MYEF2: variants seen among roughly 807,000 people sequenced by gnomAD.
The protein encoded by MYEF2 is myelin expression factor 2, also known as myelin gene expression factor 2.
In MYEF2, 37 loss-of-function variants were observed where a neutral mutation model predicts 75.2. That is an observed-to-expected ratio of 0.49 (90% CI 0.38 to 0.65). The LOEUF (loss-of-function observed/expected upper bound fraction) is 0.65, where lower values mean the gene tolerates loss of function less well. Among genes scored for constraint, MYEF2 ranks in the 30% least tolerant of loss-of-function variants. MYEF2 has a pLI of 0.00. For missense variants in MYEF2, 634 were observed against 771.4 expected, an observed-to-expected ratio of 0.82 and a Z score of 2.11; for synonymous variants, 195 against 241.6, an observed-to-expected ratio of 0.81 and a Z score of 1.79.
intron 16 of MYEF2, among the ~76,000 whole-genome samples, chr15:48,144,659 C>T (rs943604708): frequency 2.0e-5 from 3 of 151,680 alleles, no homozygotes; most frequent in African/African-American, 7.3e-5. Context: ...TAAAATGAAA[C>T]TGGAAAACAC....
chr15:48,151,247 C>A, intron 13 of MYEF2, 76 bp from the exon 14 acceptor site: 1 of 1,262,340 alleles, frequency 7.9e-7, no homozygotes, highest in Non-Finnish European at 1.1e-6. Flanking sequence ...GTACTATGTG[C>A]TCTGATTTAC....
In MYEF2 at chr15:48,137,850, G is replaced by C. The variant is rs574617022; in HGVS notation, c.*5058C>G. On this transcript the variant is annotated 3_prime_UTR_variant, in exon 17 of 17. Transcript: ENST00000324324. Reference sequence around the variant, plus strand: ...GTTTAAAGCAATAGCAAAACTTTTAGGTAAATAGGTTCAGTAGGAAGTCAG... The same window carrying C: ...GTTTAAAGCAATAGCAAAACTTTTACGTAAATAGGTTCAGTAGGAAGTCAG... The C allele has an allele frequency of 6.6e-6, 1 of 152,166 alleles. No individual in the cohort carries two copies. The highest frequency in any genetic ancestry group is 2.1e-4 in the South Asian group (1 of 4,826). 9.4% of individuals were successfully genotyped at this position (152,166 alleles called of 1,614,324 possible). A position where few individuals can be genotyped will look rare whatever the true frequency, so the allele number is the denominator to read the frequency against.
chr15:48,144,660 T>G (rs1245972557), intron 16 of MYEF2, among the ~76,000 whole-genome samples: 4 of 151,850 alleles, frequency 2.6e-5, no homozygotes, highest in African/African-American at 9.7e-5. Flanking sequence ...AAAATGAAAC[T>G]GGAAAACACA....
intron 9 of MYEF2, among the ~76,000 whole-genome samples, chr15:48,155,811 G>A (rs1466875021): frequency 7.5e-6 from 1 of 132,476 alleles, no homozygotes; most frequent in African/African-American, 2.9e-5. Context: ...GTCTCCCTCT[G>A]TCACCCAGGC....
At chr15:48,173,109 C>G (rs1026638888) in intron 1 of MYEF2, among the ~76,000 whole-genome samples, 7 of 152,136 alleles carry the variant, frequency 4.6e-5, no homozygotes, top group African/African-American at 1.4e-4. Flanking sequence ...AAAATACTAG[C>G]AAACTAAATT....
In MYEF2 at chr15:48,134,961, A is replaced by G; in HGVS notation, c.*7947T>C. 6.2e-7 allele frequency: 1 copy of G among 1,610,190 alleles called. No individual in the cohort carries two copies. The highest frequency in any genetic ancestry group is 2.2e-5 in the East Asian group (1 of 44,784). On this transcript the variant is annotated 3_prime_UTR_variant, in exon 17 of 17. Transcript: ENST00000324324. ...TTAGTGCAGCAGCAGTTCTTGGTAT[A>G]ATATATGACAACCAAGTTTACTGGT... is the stretch of plus-strand genomic sequence containing the variant.
rs1597347548 is a variant in MYEF2 at position 48,167,439 on chromosome 15, ATACATT to A, written c.371-44_371-39del. ...TACAAAAGGAAGATACCAAGAAACA[ATACATT>A]TAAACACCAGTATCTTGCTTTACTG... On this transcript the variant is annotated intron_variant, in intron 2 of 16. Transcript: ENST00000324324. 1.9e-6 allele frequency: 3 copies of A among 1,594,412 alleles called. No homozygotes were observed. In the East Asian group the frequency reaches 6.7e-5, roughly 36 times the overall value.
rs765441873 is a variant in MYEF2, at chr15:48,142,029, G to A, written c.*879C>T. On this transcript the variant is annotated 3_prime_UTR_variant, in exon 17 of 17. Coordinates refer to ENST00000324324, the MANE Select transcript of MYEF2 (RefSeq NM_016132.5). ...TTAACAGTATGCTTTTCTTTTGTAG[G>A]GAAAGGAGATATGGCTATGTCTAAC... is the stretch of plus-strand genomic sequence containing the variant. 6.2e-6 allele frequency: 10 copies of A among 1,602,544 alleles called. No individual in the cohort carries two copies. The highest frequency in any genetic ancestry group is 1.7e-5 in the Admixed American group (1 of 59,120).
At chr15:48,155,429 T>C (rs2140864346) in intron 9 of MYEF2, among the ~76,000 whole-genome samples, 1 of 152,294 alleles carries the variant, frequency 6.6e-6, no homozygotes, top group East Asian at 1.9e-4. Flanking sequence ...CACTATTCTA[T>C]TGGGCAATTT....
chr15:48,141,557 G>T lies in MYEF2; in HGVS notation c.*1351C>A. Reference sequence around the variant, plus strand: ...GCGCCACGGCACTCCAGCAGCCTGGGCAACAGAGCGAGACTGTGTCTCAAA... The same window carrying T: ...GCGCCACGGCACTCCAGCAGCCTGGTCAACAGAGCGAGACTGTGTCTCAAA... On this transcript the variant is annotated 3_prime_UTR_variant, in exon 17 of 17. Coordinates refer to ENST00000324324, the MANE Select transcript of MYEF2 (RefSeq NM_016132.5). The T allele has an allele frequency of 5.9e-6, 1 of 170,796 alleles. No homozygotes were observed. The highest frequency in any genetic ancestry group is 2.4e-5 in the African/African-American group (1 of 41,124). The allele number at this position is 170,796 out of a possible 1,614,324, so 10.6% of individuals were successfully genotyped here.
chr15:48,139,252 T>TCTAG lies in MYEF2; in HGVS notation c.*3652_*3655dup. ...AATTGCATATGTTCACTCAAAGTAG[T>TCTAG]CTAGCTACACAGCAAATTTCTTTTC... is the stretch of plus-strand genomic sequence containing the variant. On this transcript the variant is annotated 3_prime_UTR_variant, in exon 17 of 17. Coordinates refer to ENST00000324324, the MANE Select transcript of MYEF2 (RefSeq NM_016132.5). 8.1e-7 allele frequency: 1 copy of TCTAG among 1,238,354 alleles called. No individual in the cohort carries two copies. The allele number at this position is 1,238,354 out of a possible 1,614,324, so 76.7% of individuals were successfully genotyped here.
intron 1 of MYEF2, among the ~76,000 whole-genome samples, chr15:48,176,049 A>G (rs1338937990): frequency 6.6e-6 from 1 of 152,102 alleles, no homozygotes; most frequent in African/African-American, 2.4e-5. Flanking sequence ...TATTATTTCA[A>G]TCCTGATGAC....
At chr15:48,152,371 C>G (rs2039523634) in intron 10 of MYEF2, 87 bp from the exon 11 acceptor site, 1 of 1,117,056 alleles carries the variant, frequency 9.0e-7, no homozygotes, top group South Asian at 1.4e-5. Context: ...AAAATAGATA[C>G]CACTGGTATA....
chr15:48,161,045 A>G (rs950927597), intron 5 of MYEF2, among the ~76,000 whole-genome samples: 1 of 152,102 alleles, frequency 6.6e-6, no homozygotes, highest in Non-Finnish European at 1.5e-5. Flanking sequence ...CTAGTATAGT[A>G]AGCTATTTCG....
intron 5 of MYEF2, among the ~76,000 whole-genome samples, chr15:48,163,766 G>C (rs537305102): frequency 6.6e-6 from 1 of 152,206 alleles, no homozygotes; most frequent in African/African-American, 2.4e-5. Flanking sequence ...AAATCCTAGG[G>C]CCCTTAATAA....
chr15:48,139,715 A>G lies in MYEF2; in HGVS notation c.*3193T>C, dbSNP rs2039004268. 6.6e-6 allele frequency: 1 copy of G among 152,238 alleles called. No homozygotes were observed. The highest frequency in any genetic ancestry group is 6.5e-5 in the Admixed American group (1 of 15,274). The allele number at this position is 152,238 out of a possible 1,614,324, so 9.4% of individuals were successfully genotyped here. A position where few individuals can be genotyped will look rare whatever the true frequency, so the allele number is the denominator to read the frequency against. ...TCTACTACCTTCATGATTAAGACTT[A>G]ACTAGCTACTGCTGCTTGGCCATAA... On this transcript the variant is annotated 3_prime_UTR_variant, in exon 17 of 17. Coordinates refer to ENST00000324324, the MANE Select transcript of MYEF2 (RefSeq NM_016132.5).
intron 1 of MYEF2, among the ~76,000 whole-genome samples, chr15:48,174,260 G>A (rs1260591712): frequency 6.6e-6 from 1 of 151,960 alleles, no homozygotes; most frequent in Non-Finnish European, 1.5e-5. Context: ...TTCAAAAAAT[G>A]GTATTGGGAA....
chr15:48,154,837 G>A (rs1451095784), intron 9 of MYEF2, among the ~76,000 whole-genome samples: 3 of 151,216 alleles, frequency 2.0e-5, no homozygotes, highest in Non-Finnish European at 3.0e-5. Flanking sequence ...TAATTTGCAG[G>A]ACAGAAAAAA....
At chr15:48,168,239 T>C (rs778847258) in intron 2 of MYEF2, among the ~76,000 whole-genome samples, 7 of 151,498 alleles carry the variant, frequency 4.6e-5, no homozygotes, top group Non-Finnish European at 1.0e-4. Context: ...TCCACCAAGA[T>C]AGTAACAAAA....
Sources: allele counts gnomAD v4.1 joint callset (sites outside exome capture counted in the v4.1 genomes callset), GRCh38; gene constraint gnomAD v4.1.1; transcripts MANE v1.5; gene names NCBI Gene and HGNC (gene_info 2026-07-23, HGNC 2026-07-21).